The following EFNA2 variants were observed in gnomAD, a reference collection of about 807,000 sequenced individuals.
EFNA2 encodes ephrin-A2.
Under a neutral mutation model 19.7 loss-of-function variants are expected in EFNA2, and 18 were observed. That is an observed-to-expected ratio of 0.91 (90% CI 0.63 to 1.35). EFNA2 has a LOEUF of 1.35. EFNA2 is among the 40% of genes most tolerant of loss of function. The probability of loss-of-function intolerance (pLI) is 0.00; values close to 1 mark genes in which losing one functional copy is unlikely to be tolerated. For synonymous variants in EFNA2, 187 were observed against 137.8 expected, an observed-to-expected ratio of 1.36 and a Z score of -2.50; for missense variants, 303 against 296.0, an observed-to-expected ratio of 1.02 and a Z score of -0.17.
intron 1 of EFNA2, among the ~76,000 whole-genome samples, chr19:1,291,373 C>T (rs1369272216): frequency 6.6e-6 from 1 of 152,254 alleles, no homozygotes; most frequent in Non-Finnish European, 1.5e-5. Flanking sequence ...ACTGATTTCC[C>T]TTCAGGTCCC....
At chr19:1,299,720 G>C in intron 3 of EFNA2, 104 bp from the exon 4 acceptor site, 1 of 1,431,234 alleles carries the variant, frequency 7.0e-7, no homozygotes, top group South Asian at 1.4e-5. Flanking sequence ...GCCTGGTGGG[G>C]TGATGAGCCC....
chr19:1,300,155 G>C lies in EFNA2; in HGVS notation c.*210G>C, dbSNP rs1367272729. 7 of 583,234 alleles carry C rather than the reference G, an allele frequency of 1.2e-5. No individual in the cohort carries two copies. Among genetic ancestry groups the C allele is most frequent in the African/African-American group, 8.2e-5 (4 of 49,040 alleles). 36.1% of individuals were successfully genotyped at this position (583,234 alleles called of 1,614,324 possible). A position where few individuals can be genotyped will look rare whatever the true frequency, so the allele number is the denominator to read the frequency against. ...GGGAAACGGCCGAGAGCCCCCCCCC[G>C]GAGGCCCGAGGGGCCGGGGTGTGGA... On this transcript the variant is annotated 3_prime_UTR_variant, in exon 4 of 4. Coordinates refer to ENST00000215368, the MANE Select transcript of EFNA2 (RefSeq NM_001405.4).
In EFNA2 at chr19:1,297,268, T is replaced by C. The variant is rs547760518; in HGVS notation, c.455-1283T>C. Reference sequence around the variant, plus strand: ...GAAATTAAACTTTACAAGGCCCCATTGCCTCCTTTCTCTGCTCTAGTTGGA... The same window carrying C: ...GAAATTAAACTTTACAAGGCCCCATCGCCTCCTTTCTCTGCTCTAGTTGGA... On this transcript the variant is annotated intron_variant, in intron 2 of 3. Transcript: ENST00000215368. The surrounding 1 kb of genome is among the most constrained non-coding windows in gnomAD (Gnocchi z 5.0). Among the ~76,000 whole-genome samples, 1 of 152,240 alleles carries C rather than the reference T, an allele frequency of 6.6e-6. No homozygotes were observed. Among genetic ancestry groups the C allele is most frequent in the East Asian group, 1.9e-4 (1 of 5,170 alleles).
chr19:1,286,034 A>C lies in EFNA2; in HGVS notation c.-135A>C. 6.0e-6 allele frequency: 1 copy of C among 165,928 alleles called. No homozygotes were observed. The highest frequency in any genetic ancestry group is 1.2e-5 in the Non-Finnish European group (1 of 85,468). 10.3% of individuals were successfully genotyped at this position (165,928 alleles called of 1,614,324 possible). On this transcript the variant is annotated 5_prime_UTR_variant, in exon 1 of 4. Coordinates refer to ENST00000215368, the MANE Select transcript of EFNA2 (RefSeq NM_001405.4). This position sits in a 1 kb window ranked among gnomAD's most constrained non-coding sequence, Gnocchi z 5.6. ...CGCGCGGAGGCGGGGGCGGCCCGGG[A>C]TCTCCAAGCGCCGCCGCGCCCTCCT...
In EFNA2 at chr19:1,301,027, C is replaced by T. The variant is rs763403378; in HGVS notation, c.*1082C>T. Among the ~76,000 whole-genome samples the T allele has an allele frequency of 2.9e-4, 44 of 150,106 alleles. No individual in the cohort carries two copies. The highest frequency in any genetic ancestry group is 5.2e-4 in the Non-Finnish European group (35 of 67,706). On this transcript the variant is annotated 3_prime_UTR_variant, in exon 4 of 4. Coordinates refer to ENST00000215368, the MANE Select transcript of EFNA2 (RefSeq NM_001405.4). ...GCTGCACTTGGCAATAAGCTCGTGT[C>T]GTCTGTCAGAGCCCCTCTCTCAACT...
At chr19:1,289,559 G>T (rs1186343122) in intron 1 of EFNA2, among the ~76,000 whole-genome samples, 1 of 152,234 alleles carries the variant, frequency 6.6e-6, no homozygotes, top group Non-Finnish European at 1.5e-5. Flanking sequence ...GGACGCAGGG[G>T]CCTGTGGTCC....
intron 1 of EFNA2, among the ~76,000 whole-genome samples, chr19:1,290,570 G>A (rs1394340882): frequency 6.6e-6 from 1 of 152,184 alleles, no homozygotes; most frequent in East Asian, 1.9e-4. Context: ...TAGCGTTTCT[G>A]TGGAGCCGGT....
rs1287770476 is a variant in EFNA2, at chr19:1,285,874, G to A, written c.-295G>A. ...CGACGCTCGGGCGGGACAAAGGCCG[G>A]AGCCCGGGCCCCTCCCCGGCGGGTG... On this transcript the variant is annotated 5_prime_UTR_variant, in exon 1 of 4. Coordinates refer to ENST00000215368, the MANE Select transcript of EFNA2 (RefSeq NM_001405.4). The surrounding 1 kb of genome is among the most constrained non-coding windows in gnomAD (Gnocchi z 4.1). Among the ~76,000 whole-genome samples the A allele has an allele frequency of 6.8e-6, 1 of 146,450 alleles. No individual in the cohort carries two copies. The highest frequency in any genetic ancestry group is 2.0e-4 in the East Asian group (1 of 5,026).
At position 1,297,177 on chromosome 19, in the gene EFNA2, G is replaced by A. The variant is rs545457778; in HGVS notation, c.454+1319G>A. ...CGGGGCCTGAGGGATGGGGAGTCAG[G>A]GATCTGGGGTCTGTGCCCCCAGGCT... On this transcript the variant is annotated intron_variant, in intron 2 of 3. Transcript: ENST00000215368. This position sits in a 1 kb window ranked among gnomAD's most constrained non-coding sequence, Gnocchi z 5.0. Among the ~76,000 whole-genome samples, 1 of 152,228 alleles carries A rather than the reference G, an allele frequency of 6.6e-6. No homozygotes were observed. The highest frequency in any genetic ancestry group is 1.9e-4 in the East Asian group (1 of 5,150).
rs750877868 is a variant in EFNA2, at chr19:1,298,626, C to T, written c.520+10C>T. 3 of 1,613,638 alleles carry T rather than the reference C, an allele frequency of 1.9e-6. No homozygotes were observed. The South Asian group carries it at 3.3e-5, about 18-fold the overall frequency. ...TACGTGCGGCCGACCAGTAAGTGCT[C>T]AGGGGGATGGGCAGGATCCAGGCCC... On this transcript the variant is annotated intron_variant, in intron 3 of 3. Transcript: ENST00000215368.
Position 1,301,289 on chromosome 19 carries a change from G to A in EFNA2, c.*1344G>A, listed in dbSNP as rs2081542337. ...GGCTCGAGGCACGCCCGGTGGTGGG[G>A]GGTGGGCAGAGGGCTTTTGTAGGGG... On this transcript the variant is annotated 3_prime_UTR_variant, in exon 4 of 4. Coordinates refer to ENST00000215368, the MANE Select transcript of EFNA2 (RefSeq NM_001405.4). 1.3e-5 allele frequency among the ~76,000 whole-genome samples: 2 copies of A among 150,674 alleles called. No homozygotes were observed. The highest frequency in any genetic ancestry group is 2.1e-4 in the South Asian group (1 of 4,820).
At chr19:1,298,702 G>A in intron 3 of EFNA2, 86 bp downstream of exon 3, 2 of 1,469,046 alleles carry the variant, frequency 1.4e-6, no homozygotes, top group Non-Finnish European at 9.3e-7. Flanking sequence ...AGAAGAGCCA[G>A]GACAGGGGGC....
rs2081511191 is a variant in EFNA2 at position 1,295,716 on chromosome 19, C to T, written c.312C>T (p.His104=). Reference sequence around the variant, plus strand: ...GCGAGGGCCACGCCTCCTGCGACCACCGCCAGCGCGGCTTCAAGCGCTGGG... The same window carrying T: ...GCGAGGGCCACGCCTCCTGCGACCATCGCCAGCGCGGCTTCAAGCGCTGGG... ...VNGEGHASCD[H]RQRGFKRWEC... is the part of the protein sequence containing the mutation. The change falls in exon 2 of 4, where the codon CAC becomes CAT. Residue 104 remains histidine (H), a synonymous_variant. Transcript: ENST00000215368. The surrounding 1 kb of genome is among the most constrained non-coding windows in gnomAD (Gnocchi z 5.8). The T allele has an allele frequency of 1.2e-6, 2 of 1,608,700 alleles. No homozygotes were observed. Among genetic ancestry groups the T allele is most frequent in the Non-Finnish European group, 1.7e-6 (2 of 1,178,062 alleles).
Position 1,295,560 on chromosome 19 carries a change from G to A in EFNA2, c.156G>A (p.Ala52=). ...NRSNPRFHAG[A]GDDGGGYTVE... The stretch of plus-strand genomic sequence containing the variant: ...GTCCCCGCAGGTTCCACGCAGGCGC[G>A]GGGGACGACGGCGGGGGCTACACGG... Residue 52 remains alanine, a synonymous_variant, in exon 2 of 4, where the codon GCG becomes GCA. Coordinates refer to ENST00000215368, the MANE Select transcript of EFNA2 (RefSeq NM_001405.4). This position sits in a 1 kb window ranked among gnomAD's most constrained non-coding sequence, Gnocchi z 5.8. 3 of 1,594,836 alleles carry A rather than the reference G, an allele frequency of 1.9e-6. No homozygotes were observed. The highest frequency in any genetic ancestry group is 2.6e-6 in the Non-Finnish European group (3 of 1,170,190).
chr19:1,287,269 G>A lies in EFNA2; in HGVS notation c.140+961G>A, dbSNP rs1162241087. 2.0e-5 allele frequency among the ~76,000 whole-genome samples: 3 copies of A among 152,130 alleles called. No individual in the cohort carries two copies. The highest frequency in any genetic ancestry group is 2.0e-4 in the Admixed American group (3 of 15,276). On this transcript the variant is annotated intron_variant, in intron 1 of 3. Coordinates refer to ENST00000215368, the MANE Select transcript of EFNA2 (RefSeq NM_001405.4). The surrounding 1 kb of genome is among the most constrained non-coding windows in gnomAD (Gnocchi z 6.2). Reference sequence around the variant, plus strand: ...AGGCTGCAGCTTCCCTGGGGGTCCCGTGGGAGCCGGGGCTTTGGGGGTCCT... The same window carrying A: ...AGGCTGCAGCTTCCCTGGGGGTCCCATGGGAGCCGGGGCTTTGGGGGTCCT...
Position 1,299,919 on chromosome 19 carries a change from G to T in EFNA2, c.616G>T (p.Val206Leu). Residue 206 changes from valine to leucine, a missense_variant, in exon 4 of 4, where the codon GTG (valine) becomes TTG (leucine). Physicochemically the swap from Val to Leu is conservative, Grantham distance 32. Coordinates refer to ENST00000215368, the MANE Select transcript of EFNA2 (RefSeq NM_001405.4). ...GCRLFLSTIP[V>L]LWTLLGS ...CCGCCTCTTCCTCAGCACCATCCCC[G>T]TGCTCTGGACCCTCCTGGGTTCCTA... 1 of 1,604,188 alleles carries T rather than the reference G, an allele frequency of 6.2e-7. No individual in the cohort carries two copies.
At position 1,286,084 on chromosome 19, in the gene EFNA2, TCGGCGGCGGCGG is replaced by T. The variant is rs1051783963; in HGVS notation, c.-75_-64del. 3 of 347,062 alleles carry T rather than the reference TCGGCGGCGGCGG, an allele frequency of 8.6e-6. No homozygotes were observed. Among genetic ancestry groups the T allele is most frequent in the Non-Finnish European group, 1.2e-5 (3 of 251,416 alleles). The allele number at this position is 347,062 out of a possible 1,614,324, so 21.5% of individuals were successfully genotyped here. ...TCCCGCCCGCCCTCCGCCCGCCCGC[TCGGCGGCGGCGG>T]CGGCGGCGGAGGAGGCGGAGAAGGC... is the stretch of plus-strand genomic sequence containing the variant. On this transcript the variant is annotated 5_prime_UTR_variant, in exon 1 of 4. Coordinates refer to ENST00000215368, the MANE Select transcript of EFNA2 (RefSeq NM_001405.4). This position sits in a 1 kb window ranked among gnomAD's most constrained non-coding sequence, Gnocchi z 5.6.
Position 1,295,638 on chromosome 19 carries a change from G to T in EFNA2, c.234G>T (p.Ala78=), listed in dbSNP as rs752426742. The T allele has an allele frequency of 6.2e-7, 1 of 1,611,444 alleles. No homozygotes were observed. Among genetic ancestry groups the T allele is most frequent in the South Asian group, 1.1e-5 (1 of 90,860 alleles). ...YLDIYCPHYG[A]PLPPAERMEH... is the part of the protein sequence containing the mutation. ...ACATCTACTGCCCGCACTATGGGGC[G>T]CCGCTGCCGCCGGCCGAGCGCATGG... Residue 78 remains alanine, a synonymous_variant, in exon 2 of 4, where the codon GCG becomes GCT. Coordinates refer to ENST00000215368, the MANE Select transcript of EFNA2 (RefSeq NM_001405.4). This position sits in a 1 kb window ranked among gnomAD's most constrained non-coding sequence, Gnocchi z 5.8.
At chr19:1,285,476 C>T (rs1188951836), upstream of EFNA2, among the ~76,000 whole-genome samples, 1 of 152,192 alleles carries the variant, frequency 6.6e-6, no homozygotes, top group Admixed American at 6.5e-5. The surrounding 1 kb of genome is among the most constrained non-coding windows in gnomAD (Gnocchi z 4.1). Flanking sequence ...GGCCAGCGCC[C>T]CTCTGAAACT....
Sources: allele counts gnomAD v4.1 joint callset (sites outside exome capture counted in the v4.1 genomes callset), GRCh38; gene constraint gnomAD v4.1.1; non-coding constraint Gnocchi (gnomAD v3.1); transcripts MANE v1.5; gene names NCBI Gene and HGNC (gene_info 2026-07-23, HGNC 2026-07-21).